KCNH7: variants seen among roughly 807,000 people sequenced by gnomAD.
KCNH7 encodes the protein voltage-gated inwardly rectifying potassium channel KCNH7.
A neutral mutation model predicts 120.8 loss-of-function variants in KCNH7; 49 were observed. That is an observed-to-expected ratio of 0.41 (90% CI 0.32 to 0.51). The LOEUF (loss-of-function observed/expected upper bound fraction) is 0.51. KCNH7 is among the 20% of genes least tolerant of loss of function. KCNH7 has a pLI of 0.38. For missense variants in KCNH7, 1,097 were observed against 1,446.6 expected, an observed-to-expected ratio of 0.76 and a Z score of 3.92; for synonymous variants, 547 against 516.1, an observed-to-expected ratio of 1.06 and a Z score of -0.81.
chr2:162,605,955 T>C (rs1167407627), intron 2 of KCNH7, among the ~76,000 whole-genome samples: 1 of 152,126 alleles, frequency 6.6e-6, no homozygotes, highest in Non-Finnish European at 1.5e-5. Flanking sequence ...AATTATTTAA[T>C]ATTTACTCCA....
At chr2:162,752,902 G>GA (rs140501872) in intron 2 of KCNH7, among the ~76,000 whole-genome samples, 44,710 of 61,166 alleles carry the variant, frequency 0.73, 17,854 homozygotes, top group Middle Eastern at 0.86. Context: ...CTACATCTCA[G>GA]AAAAAGAAAA....
chr2:162,780,536 A>T (rs1199701607), intron 2 of KCNH7, among the ~76,000 whole-genome samples: 1 of 152,202 alleles, frequency 6.6e-6, no homozygotes, highest in Non-Finnish European at 1.5e-5. Context: ...AAATATTATT[A>T]AAGATAACAA....
chr2:162,729,710 T>TG (rs1156805262), intron 2 of KCNH7, among the ~76,000 whole-genome samples: 2 of 152,174 alleles, frequency 1.3e-5, no homozygotes, highest in African/African-American at 4.8e-5. Flanking sequence ...ATTTTCATTT[T>TG]GGGGGGAAGT....
intron 2 of KCNH7, among the ~76,000 whole-genome samples, chr2:162,827,165 G>A (rs908312963): frequency 1.2e-4 from 18 of 152,010 alleles, no homozygotes; most frequent in African/African-American, 4.1e-4. Context: ...TAAACCAGAC[G>A]CTCTCCACAC....
rs181153317 is a variant in KCNH7, at chr2:162,549,854, T to C, written c.308-12774A>G. On this transcript the variant is annotated intron_variant, in intron 2 of 15. Coordinates refer to ENST00000332142, the MANE Select transcript of KCNH7 (RefSeq NM_033272.4). ...AAGAACAAGGACTGAGCTAATATTT[T>C]GTCATCTTGTAACATCACTAGGAAA... Among the ~76,000 whole-genome samples, 369 of 152,334 alleles carry C rather than the reference T, an allele frequency of 2.4e-3. 2 individuals are homozygous for C. The highest frequency in any genetic ancestry group is 8.3e-3 in the African/African-American group (344 of 41,586).
intron 2 of KCNH7, among the ~76,000 whole-genome samples, chr2:162,785,775 T>C (rs1683678371): frequency 6.6e-6 from 1 of 152,212 alleles, no homozygotes; most frequent in Non-Finnish European, 1.5e-5. Context: ...TTGGCTGTTT[T>C]GACTGTGTGG....
At chr2:162,796,577 A>T (rs1684155823) in intron 2 of KCNH7, 1 of 152,106 alleles carries the variant, frequency 6.6e-6, no homozygotes, top group African/African-American at 2.4e-5. Context: ...ACCTTGTCTT[A>T]AACAGTGCAA....
chr2:162,418,369 C>T (rs1687600354), intron 9 of KCNH7, among the ~76,000 whole-genome samples: 1 of 151,964 alleles, frequency 6.6e-6, no homozygotes, highest in Non-Finnish European at 1.5e-5. Flanking sequence ...AGGTCATGGA[C>T]TGTATTTATC....
chr2:162,620,205 T>C (rs1458674716), intron 2 of KCNH7, among the ~76,000 whole-genome samples: 1 of 150,468 alleles, frequency 6.6e-6, no homozygotes, highest in African/African-American at 2.4e-5. Flanking sequence ...TTTTATTTTA[T>C]ATATTAAAAT....
rs1192447887 is a variant in KCNH7, at chr2:162,818,205, AT to A, written c.307+18331del. On this transcript the variant is annotated intron_variant, in intron 2 of 15. Transcript: ENST00000332142. ...TTTACTTGCTCACAGTTACAAAGAT[AT>A]TTTTGTTTATATCTCAAAAATTTAT... Among the ~76,000 whole-genome samples, 4 of 151,912 alleles carry A rather than the reference AT, an allele frequency of 2.6e-5. No individual in the cohort carries two copies. The East Asian group carries it at 7.7e-4, about 29-fold the overall frequency.
chr2:162,396,816 T>A lies in KCNH7; in HGVS notation c.2537A>T (p.Asp846Val), dbSNP rs772660547. ...GTGATCAGAAAACTCAGGATACATATCCAAAACCTCTAACAAGTCTTCTCG... is the reference window on the plus strand; with the variant it reads ...GTGATCAGAAAACTCAGGATACATAACCAAAACCTCTAACAAGTCTTCTCG... ...IQREDLLEVL[D>V]MYPEFSDHFL... Residue 846 changes from aspartate to valine, a missense_variant, in exon 11 of 16, where the codon GAT becomes GTT. Physicochemically the swap from Asp to Val is radical, Grantham distance 152 (BLOSUM62 -3). Transcript: ENST00000332142. The A allele has an allele frequency of 6.2e-7, 1 of 1,611,860 alleles. No homozygotes were observed. The highest frequency in any genetic ancestry group is 8.5e-7 in the Non-Finnish European group (1 of 1,178,752).
intron 2 of KCNH7, among the ~76,000 whole-genome samples, chr2:162,794,077 C>T (rs1684050460): frequency 6.6e-6 from 1 of 151,742 alleles, no homozygotes; most frequent in African/African-American, 2.4e-5. Context: ...TCAATTATTC[C>T]TCAGGAAAGC....
At chr2:162,397,966 C>T (rs1686961868) in intron 10 of KCNH7, among the ~76,000 whole-genome samples, 1 of 151,834 alleles carries the variant, frequency 6.6e-6, no homozygotes, top group Non-Finnish European at 1.5e-5. Flanking sequence ...TCTTGCACAC[C>T]TGATACTGTG....
At chr2:162,821,149 C>G (rs939737123) in intron 2 of KCNH7, among the ~76,000 whole-genome samples, 1 of 152,156 alleles carries the variant, frequency 6.6e-6, no homozygotes, top group Admixed American at 6.6e-5. Flanking sequence ...CTATCCACAC[C>G]CACACTTTAA....
At chr2:162,470,491 T>C (rs970007890) in intron 6 of KCNH7, among the ~76,000 whole-genome samples, 17 of 150,506 alleles carry the variant, frequency 1.1e-4, no homozygotes, top group African/African-American at 4.2e-4. Flanking sequence ...GTCTGAGAAG[T>C]GAGGAGCCCC....
At position 162,764,873 on chromosome 2, in the gene KCNH7, CAA is replaced by C. The variant is rs60382076; in HGVS notation, c.307+71662_307+71663del. ...CCAAAATAAATTTACTTTAAATAGG[CAA>C]AGAGAGCTCAGCCAACATATTTTGG... On this transcript the variant is annotated intron_variant, in intron 2 of 15. Coordinates refer to ENST00000332142, the MANE Select transcript of KCNH7 (RefSeq NM_033272.4). 3.7e-3 allele frequency among the ~76,000 whole-genome samples: 570 copies of C among 152,132 alleles called. 5 individuals carry two copies. The highest frequency in any genetic ancestry group is 0.013 in the African/African-American group (532 of 41,524).
At chr2:162,589,130 GA>G (rs1336812988) in intron 2 of KCNH7, among the ~76,000 whole-genome samples, 3 of 152,056 alleles carry the variant, frequency 2.0e-5, no homozygotes, top group Non-Finnish European at 2.9e-5. Flanking sequence ...TGATGTAGAA[GA>G]AATGCAACTA....
intron 12 of KCNH7, 152 bp from the exon 13 acceptor site, chr2:162,385,091 G>A: frequency 1.9e-6 from 1 of 539,074 alleles, no homozygotes; most frequent in South Asian, 3.0e-5. Context: ...AAATTCAAGG[G>A]TTATTAGATT....
rs529921874 is a variant in KCNH7 at position 162,809,318 on chromosome 2, C to T, written c.307+27219G>A. ...TTTAAGTCATAGGTCTGTTAACATT[C>T]TTCAGCTTCTTGTTTCTTTTGATGT... On this transcript the variant is annotated intron_variant, in intron 2 of 15. Coordinates refer to ENST00000332142, the MANE Select transcript of KCNH7 (RefSeq NM_033272.4). Among the ~76,000 whole-genome samples the T allele has an allele frequency of 1.1e-4, 16 of 152,304 alleles. No homozygotes were observed. In the South Asian group the frequency reaches 3.3e-3, roughly 32 times the overall value.
Sources: allele counts gnomAD v4.1 joint callset (sites outside exome capture counted in the v4.1 genomes callset), GRCh38; gene constraint gnomAD v4.1.1; transcripts MANE v1.5; gene names NCBI Gene and HGNC (gene_info 2026-07-23, HGNC 2026-07-21).